Variants in PIP5K1B observed in about 807,000 individuals in gnomAD.
The protein encoded by PIP5K1B is phosphatidylinositol-4-phosphate 5-kinase type 1 beta.
In PIP5K1B, 42 loss-of-function variants were observed where a neutral mutation model predicts 67.0. That is an observed-to-expected ratio of 0.63 (90% confidence interval 0.49 to 0.81). PIP5K1B has a LOEUF of 0.81. Ranked by LOEUF, PIP5K1B falls within the 30% of genes least tolerant of loss-of-function variation. The pLI is 0.00. For synonymous variants in PIP5K1B, 214 were observed against 231.4 expected (o/e 0.92, Z 0.68); for missense variants, 459 against 646.3 (o/e 0.71, Z 3.14).
chr9:68,732,453 T>C (rs1170874646), intron 1 of PIP5K1B, among the ~76,000 whole-genome samples: 2 of 152,206 alleles, frequency 1.3e-5, no homozygotes, highest in African/African-American at 2.4e-5. Flanking sequence ...AAATTCATTC[T>C]CTTCCCACGT....
At chr9:68,940,817 C>T in intron 14 of PIP5K1B, 27 bp downstream of exon 14, 2 of 1,607,914 alleles carry the variant, frequency 1.2e-6, no homozygotes, top group Non-Finnish European at 8.5e-7. Context: ...TCAAATAACC[C>T]ATCAGGCTGT....
intron 2 of PIP5K1B, among the ~76,000 whole-genome samples, chr9:68,796,140 G>T (rs1832280136): frequency 6.6e-6 from 1 of 152,158 alleles, no homozygotes; most frequent in Non-Finnish European, 1.5e-5. Flanking sequence ...ATAGCATCCT[G>T]CTGTATATTC....
chr9:68,760,445 G>C (rs993145778), intron 2 of PIP5K1B, among the ~76,000 whole-genome samples: 7 of 152,106 alleles, frequency 4.6e-5, no homozygotes, highest in Non-Finnish European at 2.9e-5. Flanking sequence ...AGTTATCTAT[G>C]ACCAGTGTCT....
At chr9:68,813,800 A>G (rs141715460) in intron 2 of PIP5K1B, among the ~76,000 whole-genome samples, 77 of 152,270 alleles carry the variant, frequency 5.1e-4, no homozygotes, top group African/African-American at 1.7e-3. Context: ...TCCAAGAAAG[A>G]TGGCTACCAC....
chr9:68,826,280 A>G (rs1245740998), intron 4 of PIP5K1B, among the ~76,000 whole-genome samples: 2 of 152,174 alleles, frequency 1.3e-5, no homozygotes, highest in Non-Finnish European at 2.9e-5. Flanking sequence ...CCAGGCAGCA[A>G]AGAAGGGAGT....
chr9:68,985,504 G>A (rs1400467928), intron 14 of PIP5K1B, among the ~76,000 whole-genome samples: 5 of 151,996 alleles, frequency 3.3e-5, no homozygotes, highest in Non-Finnish European at 7.4e-5. Context: ...CACCTGCCTC[G>A]GCCTCCCAAA....
At chr9:68,728,485 A>G (rs576331047) in intron 1 of PIP5K1B, among the ~76,000 whole-genome samples, 17 of 152,216 alleles carry the variant, frequency 1.1e-4, no homozygotes, top group African/African-American at 3.9e-4. Flanking sequence ...GGATTCCAAT[A>G]TATGAATTTA....
At chr9:68,800,692 C>G (rs1272642003) in intron 2 of PIP5K1B, among the ~76,000 whole-genome samples, 1 of 152,154 alleles carries the variant, frequency 6.6e-6, no homozygotes, top group African/African-American at 2.4e-5. Context: ...GAAAAGGGGC[C>G]TTTTTCTTTG....
rs117629295 is a variant in PIP5K1B, at chr9:68,760,858, G to A, written c.-86+18201G>A. Among the ~76,000 whole-genome samples, 84 of 152,214 alleles carry A rather than the reference G, an allele frequency of 5.5e-4. No homozygotes were observed. In the East Asian group the frequency reaches 0.014, roughly 26 times the overall value. ...GGCAGGGGATGGAAAGGTATTTTTGGCTTCATTCTAAAGAGTCCTATTCTC... is the reference window on the plus strand; with the variant it reads ...GGCAGGGGATGGAAAGGTATTTTTGACTTCATTCTAAAGAGTCCTATTCTC... On this transcript the variant is annotated intron_variant, in intron 2 of 15. Transcript: ENST00000265382.
chr9:68,836,426 A>T (rs1834612302), intron 4 of PIP5K1B, among the ~76,000 whole-genome samples: 1 of 152,186 alleles, frequency 6.6e-6, no homozygotes, highest in Admixed American at 6.5e-5. Flanking sequence ...GAGTCTTCTG[A>T]GATTCTGCTT....
chr9:68,907,445 TTAAAA>T (rs1428508669), intron 8 of PIP5K1B, among the ~76,000 whole-genome samples: 1 of 151,904 alleles, frequency 6.6e-6, no homozygotes, highest in Non-Finnish European at 1.5e-5. Flanking sequence ...TAAAAAAATA[TTAAAA>T]TAAATATTAA....
At chr9:68,796,942 T>G (rs1398927627) in intron 2 of PIP5K1B, among the ~76,000 whole-genome samples, 2 of 152,222 alleles carry the variant, frequency 1.3e-5, no homozygotes, top group Admixed American at 6.5e-5. Flanking sequence ...TATTTCTATT[T>G]TATGCACCTA....
At chr9:68,901,122 T>C (rs976273288) in intron 8 of PIP5K1B, among the ~76,000 whole-genome samples, 1 of 152,216 alleles carries the variant, frequency 6.6e-6, no homozygotes, top group Non-Finnish European at 1.5e-5. Flanking sequence ...GAGACGTACA[T>C]ATCCTGAAGG....
intron 4 of PIP5K1B, among the ~76,000 whole-genome samples, chr9:68,835,269 C>G (rs1404869768): frequency 6.6e-6 from 1 of 152,222 alleles, no homozygotes; most frequent in Non-Finnish European, 1.5e-5. Context: ...TTGATGAGAA[C>G]AGACAGAACA....
chr9:68,940,758 T>C lies in PIP5K1B; in HGVS notation c.1470T>C (p.Tyr490=). 1 of 1,613,920 alleles carries C rather than the reference T, an allele frequency of 6.2e-7. No homozygotes were observed. The highest frequency in any genetic ancestry group is 8.5e-7 in the Non-Finnish European group (1 of 1,179,906). The change falls in exon 14 of 16, where the codon TAT becomes TAC. Residue 490 remains tyrosine (Y), a synonymous_variant. Coordinates refer to ENST00000265382, the MANE Select transcript of PIP5K1B (RefSeq NM_003558.4). ...CTTCCTTATACGTCAATGAGCACTA[T>C]CCACACGACAGGCCTACACTCTATT... ...SSSSLYVNEH[Y]PHDRPTLYSN... is the part of the protein sequence containing the mutation.
At chr9:68,956,506 C>T (rs1489591942) in intron 14 of PIP5K1B, among the ~76,000 whole-genome samples, 2 of 152,144 alleles carry the variant, frequency 1.3e-5, no homozygotes, top group Non-Finnish European at 2.9e-5. Flanking sequence ...GTTTGGATCT[C>T]ATGAAATGTG....
intron 1 of PIP5K1B, among the ~76,000 whole-genome samples, chr9:68,725,727 T>C (rs1449287003): frequency 6.6e-6 from 1 of 152,172 alleles, no homozygotes; most frequent in Admixed American, 6.6e-5. Context: ...GAACCCTGAA[T>C]GTGGACGTTT....
At chr9:68,875,815 A>G (rs1823864788) in intron 5 of PIP5K1B, among the ~76,000 whole-genome samples, 1 of 152,222 alleles carries the variant, frequency 6.6e-6, no homozygotes, top group Admixed American at 6.5e-5. Flanking sequence ...TGAAAAATTT[A>G]AGAATGAGTG....
chr9:68,838,118 C>T (rs1821727702), intron 4 of PIP5K1B, among the ~76,000 whole-genome samples: 2 of 144,004 alleles, frequency 1.4e-5, no homozygotes. Context: ...ATTACATTTT[C>T]TGACTGGGGA....
Sources: gnomAD v4.1 joint callset for allele counts (sites outside exome capture counted in the v4.1 genomes callset) on GRCh38, gnomAD v4.1.1 for gene constraint, MANE v1.5 for transcripts, NCBI Gene and HGNC (gene_info 2026-07-23, HGNC 2026-07-21) for gene names.